PDE4D: variants seen among roughly 807,000 people sequenced by gnomAD.
The protein encoded by PDE4D is 3',5'-cyclic-AMP phosphodiesterase 4D.
A neutral mutation model predicts 87.4 loss-of-function variants in PDE4D; 24 were observed. The observed-to-expected ratio is 0.27, with a 90% confidence interval of 0.20 to 0.39. The LOEUF (loss-of-function observed/expected upper bound fraction) is 0.39. PDE4D is among the 10% of genes least tolerant of loss of function. The pLI is 1.00. For missense variants in PDE4D, 714 were observed against 1,041.0 expected (o/e 0.69, Z 4.32); for synonymous variants, 384 against 383.2 (o/e 1.00, Z -0.02).
intron 1 of PDE4D, among the ~76,000 whole-genome samples, chr5:59,867,323 C>A (rs1382758819): frequency 6.6e-6 from 1 of 151,644 alleles, no homozygotes; most frequent in African/African-American, 2.4e-5. Context: ...AAGAGATGAA[C>A]ATATTTTTCG....
chr5:59,607,910 AG>A (rs1462027095), intron 1 of PDE4D, among the ~76,000 whole-genome samples: 2 of 152,264 alleles, frequency 1.3e-5, no homozygotes, highest in Admixed American at 6.5e-5. Flanking sequence ...GGATTTCCAT[AG>A]ATAAGGCTCT....
intron 1 of PDE4D, among the ~76,000 whole-genome samples, chr5:60,308,841 A>G (rs966465265): frequency 5.3e-5 from 8 of 152,206 alleles, no homozygotes; most frequent in Admixed American, 3.3e-4. Context: ...CTGGCTCCCA[A>G]TCTTTTTTCC....
At chr5:59,941,961 T>G (rs1757232250) in intron 3 of PDE4D, among the ~76,000 whole-genome samples, 1 of 152,170 alleles carries the variant, frequency 6.6e-6, no homozygotes, top group Non-Finnish European at 1.5e-5. Context: ...ATGGCCAGGA[T>G]GAGAAACACT....
At chr5:59,425,496 A>G (rs1324924839) in intron 1 of PDE4D, among the ~76,000 whole-genome samples, 1 of 152,146 alleles carries the variant, frequency 6.6e-6, no homozygotes, top group African/African-American at 2.4e-5. Context: ...ACATTGCCAA[A>G]TGTCCCCTGC....
At chr5:59,072,685 T>TTACTA (rs1257449203) in intron 5 of PDE4D, among the ~76,000 whole-genome samples, 1 of 152,250 alleles carries the variant, frequency 6.6e-6, no homozygotes, top group Non-Finnish European at 1.5e-5. Context: ...GATATGTTAA[T>TTACTA]TACTATAGAT....
upstream of PDE4D, chr5:60,490,473 A>G (rs1405653239): frequency 6.6e-6 from 1 of 152,232 alleles, no homozygotes; most frequent in African/African-American, 2.4e-5. Flanking sequence ...TAAAAAATAT[A>G]CATACTAGTA....
At chr5:59,770,438 ATG>A (rs1300653625) in intron 1 of PDE4D, among the ~76,000 whole-genome samples, 1 of 152,228 alleles carries the variant, frequency 6.6e-6, no homozygotes, top group Non-Finnish European at 1.5e-5. Flanking sequence ...AAATGCGTAT[ATG>A]ATGAGAAAAC....
chr5:59,173,626 T>C (rs1783364537), intron 5 of PDE4D, among the ~76,000 whole-genome samples: 1 of 152,234 alleles, frequency 6.6e-6, no homozygotes, highest in African/African-American at 2.4e-5. Context: ...ATCAGCATTT[T>C]TCGATCACAT....
intron 1 of PDE4D, among the ~76,000 whole-genome samples, chr5:59,664,744 C>T (rs1056630210): frequency 1.3e-5 from 2 of 152,126 alleles, no homozygotes; most frequent in African/African-American, 4.8e-5. Flanking sequence ...ACATGAAAAA[C>T]ATAAATAGTA....
intron 1 of PDE4D, among the ~76,000 whole-genome samples, chr5:59,749,535 G>A (rs528931842): frequency 1.3e-5 from 2 of 152,238 alleles, no homozygotes; most frequent in South Asian, 2.1e-4. Context: ...ACAGCCGTGA[G>A]CCACCATGCC....
chr5:59,137,338 G>C (rs1287259120), intron 5 of PDE4D, among the ~76,000 whole-genome samples: 3 of 152,100 alleles, frequency 2.0e-5, no homozygotes, highest in African/African-American at 7.2e-5. Flanking sequence ...TGTGAGGGAA[G>C]GAATTGGATA....
chr5:59,035,255 G>T (rs562180720), intron 6 of PDE4D, among the ~76,000 whole-genome samples: 6 of 152,188 alleles, frequency 3.9e-5, no homozygotes, highest in Non-Finnish European at 7.4e-5. Context: ...AGTAAAACAG[G>T]AAAAGTACTT....
intron 1 of PDE4D, among the ~76,000 whole-genome samples, chr5:59,492,912 CGCG>C (rs1806478586): frequency 6.6e-6 from 1 of 152,126 alleles, no homozygotes; most frequent in African/African-American, 2.4e-5. Context: ...CCATATAAGA[CGCG>C]ACTTGCTCCT....
intron 1 of PDE4D, among the ~76,000 whole-genome samples, chr5:60,229,748 C>G (rs1269393710): frequency 6.6e-6 from 1 of 152,032 alleles, no homozygotes; most frequent in African/African-American, 2.4e-5. Context: ...TTTCTTTGAA[C>G]AATCACTTGG....
chr5:60,471,159 G>C (rs956015256), intron 1 of PDE4D, among the ~76,000 whole-genome samples: 4 of 152,128 alleles, frequency 2.6e-5, no homozygotes, highest in African/African-American at 9.7e-5. Flanking sequence ...GGATGGCTTT[G>C]AGTGGTTCAA....
At chr5:59,823,072 G>T (rs948315787) in intron 1 of PDE4D, among the ~76,000 whole-genome samples, 7 of 152,204 alleles carry the variant, frequency 4.6e-5, no homozygotes, top group Non-Finnish European at 8.8e-5. Flanking sequence ...TAGCTATAGA[G>T]CTGCAGTGTC....
At chr5:60,257,270 G>A (rs1452132209) in intron 1 of PDE4D, among the ~76,000 whole-genome samples, 1 of 150,976 alleles carries the variant, frequency 6.6e-6, no homozygotes, top group Non-Finnish European at 1.5e-5. Flanking sequence ...AAGAAAGAGA[G>A]AAAGAGAAAA....
At chr5:59,343,463 T>C (rs1206225213) in intron 1 of PDE4D, among the ~76,000 whole-genome samples, 1 of 152,146 alleles carries the variant, frequency 6.6e-6, no homozygotes, top group African/African-American at 2.4e-5. Context: ...AGAAGAACAA[T>C]GTTAGCAAAA....
intron 1 of PDE4D, among the ~76,000 whole-genome samples, chr5:59,270,269 T>C (rs1763571263): frequency 6.6e-6 from 1 of 152,158 alleles, no homozygotes; most frequent in African/African-American, 2.4e-5. Context: ...AACCAAATCA[T>C]AATATATATT....
Sources: allele counts gnomAD v4.1 joint callset (sites outside exome capture counted in the v4.1 genomes callset), GRCh38; gene constraint gnomAD v4.1.1; transcripts MANE v1.5; gene names NCBI Gene and HGNC (gene_info 2026-07-23, HGNC 2026-07-21).